Variants in EBF1 observed in about 807,000 individuals in gnomAD.
EBF1 encodes the protein transcription factor COE1.
A neutral mutation model predicts 68.4 loss-of-function variants in EBF1; 10 were observed. The observed-to-expected ratio is 0.15, with a 90% CI of 0.09 to 0.25. The LOEUF is 0.25. Among genes scored for constraint, EBF1 ranks in the 10% least tolerant of loss-of-function variants. EBF1 has a pLI of 1.00. For missense variants in EBF1, 509 were observed against 794.4 expected (o/e 0.64, Z 4.32); for synonymous variants, 298 against 299.8 (o/e 0.99, Z 0.06).
intron 10 of EBF1, among the ~76,000 whole-genome samples, chr5:158,756,977 GAAAAAA>G (rs112061808): frequency 4.0e-5 from 5 of 124,820 alleles, no homozygotes; most frequent in African/African-American, 1.5e-4. Flanking sequence ...CCCTCATGCT[GAAAAAA>G]AAAAAAAAAA....
chr5:158,817,294 G>A (rs1444586329), intron 8 of EBF1, among the ~76,000 whole-genome samples: 1 of 152,088 alleles, frequency 6.6e-6, no homozygotes, highest in Non-Finnish European at 1.5e-5. Context: ...TAGATGAATG[G>A]TTCAATGTCC....
At chr5:158,890,325 C>A (rs957508031) in intron 6 of EBF1, among the ~76,000 whole-genome samples, 26 of 152,204 alleles carry the variant, frequency 1.7e-4, no homozygotes, top group Non-Finnish European at 3.5e-4. Context: ...CAAAGAATGT[C>A]AAAGATGATC....
At chr5:158,916,874 C>T (rs766082057) in intron 6 of EBF1, among the ~76,000 whole-genome samples, 64 of 152,218 alleles carry the variant, frequency 4.2e-4, no homozygotes, top group Admixed American at 1.6e-3. Flanking sequence ...ATTGTCTCCC[C>T]TTCCATGCAA....
intron 11 of EBF1, among the ~76,000 whole-genome samples, chr5:158,725,569 A>G (rs1762822550): frequency 6.6e-6 from 1 of 152,272 alleles, no homozygotes; most frequent in Non-Finnish European, 1.5e-5. Flanking sequence ...AAGACAGCAG[A>G]TGACTTAAGC....
chr5:158,832,648 TC>T lies in EBF1; in HGVS notation c.636+7380del, dbSNP rs367633106. Among the ~76,000 whole-genome samples the T allele has an allele frequency of 7.9e-5, 12 of 152,316 alleles. 1 individual carries two copies. The highest frequency in any genetic ancestry group is 2.9e-4 in the African/African-American group (12 of 41,562). ...AGAAATAAAGAAGCACATATTCTTA[TC>T]CCTTTTATGTAAGTGTATTTAAAGC... On this transcript the variant is annotated intron_variant, in intron 7 of 15. Transcript: ENST00000313708.
In EBF1 at chr5:158,696,284, A is replaced by G. The variant is rs774021044; in HGVS notation, c.*2827T>C. 18 of 219,670 alleles carry G rather than the reference A, an allele frequency of 8.2e-5. No homozygotes were observed. The highest frequency in any genetic ancestry group is 1.6e-4 in the Non-Finnish European group (17 of 109,614). 13.6% of individuals were successfully genotyped at this position (219,670 alleles called of 1,614,324 possible). On this transcript the variant is annotated 3_prime_UTR_variant, in exon 16 of 16. Coordinates refer to ENST00000313708, the MANE Select transcript of EBF1 (RefSeq NM_024007.5). ...TAGGGGAACATCTTTTATTTGTAAA[A>G]CTTTTGTGGAGAAGAAAGAGGATCA...
At chr5:158,763,004 C>T (rs1263489700) in intron 10 of EBF1, among the ~76,000 whole-genome samples, 1 of 152,224 alleles carries the variant, frequency 6.6e-6, no homozygotes, top group Non-Finnish European at 1.5e-5. Context: ...GAACACAGCA[C>T]AGATCTCTTC....
Position 158,830,339 on chromosome 5 carries a change from C to T in EBF1, c.637-7022G>A, listed in dbSNP as rs111945080. 1.5e-3 allele frequency among the ~76,000 whole-genome samples: 232 copies of T among 152,142 alleles called. 3 individuals carry two copies. The highest frequency in any genetic ancestry group is 4.8e-3 in the African/African-American group (199 of 41,508). ...CAGGCCGGACTGCAGGGCGTAATCT[C>T]GGCTCACAGCAACCTCTGCCACCCA... On this transcript the variant is annotated intron_variant, in intron 7 of 15. Coordinates refer to ENST00000313708, the MANE Select transcript of EBF1 (RefSeq NM_024007.5).
chr5:159,006,061 A>T (rs1374408541), intron 6 of EBF1, among the ~76,000 whole-genome samples: 1 of 152,136 alleles, frequency 6.6e-6, no homozygotes, highest in Admixed American at 6.6e-5. Context: ...TCTTCCTTGG[A>T]TGCATTACTC....
chr5:158,941,090 G>A, intron 6 of EBF1: 1 of 403,714 alleles, frequency 2.5e-6, no homozygotes, highest in South Asian at 1.8e-5. Context: ...ATCTGTTGCT[G>A]ACTACCACCA....
intron 6 of EBF1, among the ~76,000 whole-genome samples, chr5:159,051,665 A>G (rs1773787368): frequency 6.6e-6 from 1 of 151,846 alleles, no homozygotes; most frequent in African/African-American, 2.4e-5. Context: ...GACTGTAAGA[A>G]GTAATTCATG....
At chr5:158,799,871 A>G (rs1434965368) in intron 8 of EBF1, among the ~76,000 whole-genome samples, 1 of 152,164 alleles carries the variant, frequency 6.6e-6, no homozygotes, top group Non-Finnish European at 1.5e-5. Context: ...CAATCTTTCA[A>G]TGTTGGAAAC....
At chr5:159,083,969 G>C (rs1780167255) in intron 5 of EBF1, among the ~76,000 whole-genome samples, 1 of 152,164 alleles carries the variant, frequency 6.6e-6, no homozygotes, top group South Asian at 2.1e-4. Context: ...AAGTTAATTT[G>C]GTCTACTTGC....
chr5:159,066,838 G>A (rs1344028377), intron 6 of EBF1, among the ~76,000 whole-genome samples: 1 of 152,122 alleles, frequency 6.6e-6, no homozygotes, highest in Non-Finnish European at 1.5e-5. Flanking sequence ...AACCTGTACT[G>A]TTCACCATAT....
chr5:159,024,150 A>G (rs17717039), intron 6 of EBF1, among the ~76,000 whole-genome samples: 2,564 of 152,158 alleles, frequency 0.017, 36 homozygotes, highest in Admixed American at 0.046. Context: ...GAACTCTTAC[A>G]CTTCACAAAC....
intron 6 of EBF1, among the ~76,000 whole-genome samples, chr5:158,857,000 A>C (rs1427120855): frequency 6.8e-6 from 1 of 147,092 alleles, no homozygotes; most frequent in Admixed American, 6.8e-5. Flanking sequence ...ACAAAACAAA[A>C]CAAACCTTTC....
chr5:158,708,933 G>A (rs1253043743), intron 14 of EBF1, among the ~76,000 whole-genome samples: 1 of 152,164 alleles, frequency 6.6e-6, no homozygotes, highest in Non-Finnish European at 1.5e-5. Flanking sequence ...GTAGTAGTAG[G>A]GATGCAGATA....
At chr5:158,893,378 C>G (rs1801563709) in intron 6 of EBF1, among the ~76,000 whole-genome samples, 1 of 152,176 alleles carries the variant, frequency 6.6e-6, no homozygotes, top group Non-Finnish European at 1.5e-5. Context: ...GAGAATTCCT[C>G]TCTGTATTGT....
At position 158,711,086 on chromosome 5, in the gene EBF1, C is replaced by T. The variant is rs531909470; in HGVS notation, c.1549+1068G>A. On this transcript the variant is annotated intron_variant, in intron 14 of 15. Transcript: ENST00000313708. ...AAGGCAGAGACAAGGCACCAAAGAA[C>T]GTTTTTTTATGTGTATATGGTTTTC... Among the ~76,000 whole-genome samples the T allele has an allele frequency of 5.9e-5, 9 of 152,216 alleles. No individual in the cohort carries two copies. In the East Asian group the frequency reaches 1.7e-3, roughly 29 times the overall value.
Sources: allele counts gnomAD v4.1 joint callset (sites outside exome capture counted in the v4.1 genomes callset), GRCh38; gene constraint gnomAD v4.1.1; transcripts MANE v1.5; gene names NCBI Gene and HGNC (gene_info 2026-07-23, HGNC 2026-07-21).